PDLIM5: variants seen among roughly 807,000 people sequenced by gnomAD.
PDLIM5 encodes PDZ and LIM domain 5, also known as PDZ and LIM domain protein 5.
In PDLIM5, 34 loss-of-function variants were observed where a neutral mutation model predicts 64.2. That is an observed-to-expected ratio of 0.53 (90% CI 0.40 to 0.71). PDLIM5 has a LOEUF of 0.71. Among genes scored for constraint, PDLIM5 ranks in the 30% least tolerant of loss-of-function variants. PDLIM5 has a pLI of 0.00. For missense variants in PDLIM5, 683 were observed against 733.6 expected (o/e 0.93, Z 0.80); for synonymous variants, 253 against 269.1 (o/e 0.94, Z 0.59).
chr4:94,519,694 C>CT (rs1355472466), intron 2 of PDLIM5, among the ~76,000 whole-genome samples: 2 of 152,094 alleles, frequency 1.3e-5, no homozygotes. Context: ...GTACTAATTA[C>CT]TTTTTCTGGG....
intron 3 of PDLIM5, among the ~76,000 whole-genome samples, chr4:94,539,778 A>G (rs1266142894): frequency 6.6e-6 from 1 of 152,188 alleles, no homozygotes; most frequent in African/African-American, 2.4e-5. Context: ...TTCTAGGCAG[A>G]GAGCACAGCT....
chr4:94,463,855 T>C (rs1452080536), intron 2 of PDLIM5, among the ~76,000 whole-genome samples: 1 of 152,174 alleles, frequency 6.6e-6, no homozygotes, highest in Non-Finnish European at 1.5e-5. Flanking sequence ...AGACTCAGTG[T>C]GTTTTTATTA....
intron 8 of PDLIM5, among the ~76,000 whole-genome samples, chr4:94,634,250 C>T (rs1740381824): frequency 6.6e-6 from 1 of 152,102 alleles, no homozygotes; most frequent in African/African-American, 2.4e-5. Flanking sequence ...TACAGGCAGT[C>T]ACTGCTCTAA....
chr4:94,549,676 T>C (rs1732632406), intron 3 of PDLIM5: 1 of 152,210 alleles, frequency 6.6e-6, no homozygotes, highest in Non-Finnish European at 1.5e-5. Context: ...GCGTAGTATC[T>C]GTGTACGTTT....
intron 5 of PDLIM5, among the ~76,000 whole-genome samples, chr4:94,583,719 A>AT (rs911330408): frequency 9.2e-5 from 14 of 152,148 alleles, no homozygotes; most frequent in Admixed American, 3.9e-4. Flanking sequence ...ATTTTTTATG[A>AT]TTTTTTGCAT....
chr4:94,481,979 T>C (rs1184719778), intron 2 of PDLIM5, among the ~76,000 whole-genome samples: 1 of 152,146 alleles, frequency 6.6e-6, no homozygotes, highest in Non-Finnish European at 1.5e-5. Flanking sequence ...TTGTCTGTGC[T>C]GGATTTCTTT....
intron 8 of PDLIM5, among the ~76,000 whole-genome samples, chr4:94,625,306 G>C (rs952995169): frequency 6.6e-6 from 1 of 152,174 alleles, no homozygotes; most frequent in African/African-American, 2.4e-5. Flanking sequence ...TCATGTCCCT[G>C]GTGTTGACAA....
intron 2 of PDLIM5, among the ~76,000 whole-genome samples, chr4:94,466,863 G>A (rs6836744): frequency 0.013 from 2,028 of 152,228 alleles, 50 homozygotes; most frequent in African/African-American, 0.046. Flanking sequence ...AAATTGGCAT[G>A]CTATTTATAA....
chr4:94,455,157 C>G (rs1386217802), intron 1 of PDLIM5, 90 bp from the exon 2 acceptor site: 10 of 599,836 alleles, frequency 1.7e-5, no homozygotes, highest in African/African-American at 1.1e-4. Flanking sequence ...TCTATATCCT[C>G]TCACCCCCCT....
chr4:94,511,411 A>C (rs1728860333), intron 2 of PDLIM5, among the ~76,000 whole-genome samples: 1 of 152,122 alleles, frequency 6.6e-6, no homozygotes, highest in Non-Finnish European at 1.5e-5. Context: ...CATAATAATC[A>C]CATCGTGGAG....
At position 94,573,794 on chromosome 4, in the gene PDLIM5, G is replaced by GTTA. The variant is rs1735014561; in HGVS notation, c.291+404_291+406dup. On this transcript the variant is annotated intron_variant, in intron 4 of 12. Transcript: ENST00000317968. Reference sequence around the variant, plus strand: ...TAATTACATTTCAGAGTATTCTTAGGTTATTGGCAAGTATCCCTCTTCTTG... The same window carrying GTTA: ...TAATTACATTTCAGAGTATTCTTAGGTTATTATTGGCAAGTATCCCTCTTCTTG... 2.2e-5 allele frequency: 4 copies of GTTA among 183,754 alleles called. No homozygotes were observed. The Admixed American group carries it at 2.2e-4, about 10-fold the overall frequency. 11.4% of individuals were successfully genotyped at this position (183,754 alleles called of 1,614,324 possible).
At chr4:94,634,648 A>G (rs568613724) in intron 8 of PDLIM5, among the ~76,000 whole-genome samples, 130 of 152,326 alleles carry the variant, frequency 8.5e-4, no homozygotes, top group Non-Finnish European at 1.6e-3. Context: ...TGCCTATTCA[A>G]GTACAGTCTG....
intron 8 of PDLIM5, among the ~76,000 whole-genome samples, chr4:94,634,425 A>G (rs1196677161): frequency 6.6e-6 from 1 of 152,190 alleles, no homozygotes; most frequent in African/African-American, 2.4e-5. Flanking sequence ...ACTACTTCTA[A>G]TAAGAGTAAG....
chr4:94,593,811 A>G (rs1357129553), intron 7 of PDLIM5, among the ~76,000 whole-genome samples: 2 of 152,150 alleles, frequency 1.3e-5, no homozygotes, highest in Admixed American at 1.3e-4. Context: ...CTTAAGTAGA[A>G]TCATTGACTT....
intron 7 of PDLIM5, among the ~76,000 whole-genome samples, chr4:94,601,424 G>T (rs1257122381): frequency 6.6e-6 from 1 of 152,134 alleles, no homozygotes; most frequent in Admixed American, 6.5e-5. Flanking sequence ...GGGCTGGGGG[G>T]ACACAAACGT....
intron 7 of PDLIM5, among the ~76,000 whole-genome samples, chr4:94,612,752 A>G (rs962599934): frequency 6.6e-6 from 1 of 152,116 alleles, no homozygotes; most frequent in Non-Finnish European, 1.5e-5. Context: ...TTGCTAACTT[A>G]GTGAGAGGAG....
At chr4:94,599,034 G>A (rs1737283309) in intron 7 of PDLIM5, among the ~76,000 whole-genome samples, 1 of 152,074 alleles carries the variant, frequency 6.6e-6, no homozygotes, top group South Asian at 2.1e-4. Flanking sequence ...AGTACTCAGG[G>A]GCCAGATTAT....
rs565096800 is a variant in PDLIM5, at chr4:94,599,030, C to T, written c.920+12586C>T. Among the ~76,000 whole-genome samples, 7 of 152,208 alleles carry T rather than the reference C, an allele frequency of 4.6e-5. No homozygotes were observed. The South Asian group carries it at 1.5e-3, about 32-fold the overall frequency. ...ATGATAAGAGATTACGTGAAGTACT[C>T]AGGGGCCAGATTATTGACTGCCTTG... On this transcript the variant is annotated intron_variant, in intron 7 of 12. Transcript: ENST00000317968.
chr4:94,506,489 T>A (rs1291583199), intron 2 of PDLIM5, among the ~76,000 whole-genome samples: 1 of 152,174 alleles, frequency 6.6e-6, no homozygotes, highest in Admixed American at 6.5e-5. Context: ...TAGCTGTGCC[T>A]CACATGGAGG....
Sources: gnomAD v4.1 joint callset for allele counts (sites outside exome capture counted in the v4.1 genomes callset) on GRCh38, gnomAD v4.1.1 for gene constraint, MANE v1.5 for transcripts, NCBI Gene and HGNC (gene_info 2026-07-23, HGNC 2026-07-21) for gene names.